The following PCMTD1 variants were observed in gnomAD, a reference collection of about 807,000 sequenced individuals.
The protein encoded by PCMTD1 is protein-L-isoaspartate (D-aspartate) O-methyltransferase domain containing 1, also known as protein-L-isoaspartate O-methyltransferase domain-containing protein 1.
In PCMTD1, 12 loss-of-function variants were observed where a neutral mutation model predicts 37.6. That is an observed-to-expected ratio of 0.32 (90% CI 0.20 to 0.52). The LOEUF (loss-of-function observed/expected upper bound fraction) is 0.52, where lower values mean the gene tolerates loss of function less well. PCMTD1 is among the 20% of genes least tolerant of loss of function. The probability of loss-of-function intolerance (pLI) is 0.97; values close to 1 mark genes in which losing one functional copy is unlikely to be tolerated. For missense variants in PCMTD1, 235 were observed against 421.3 expected (o/e 0.56, Z 3.87); for synonymous variants, 117 against 135.8 (o/e 0.86, Z 0.96).
intron 2 of PCMTD1, among the ~76,000 whole-genome samples, chr8:51,851,498 T>A (rs1386416940): frequency 1.3e-5 from 2 of 152,088 alleles, no homozygotes; most frequent in African/African-American, 4.8e-5. Flanking sequence ...GACTAACAGG[T>A]CAAGAACAAC....
intron 5 of PCMTD1, among the ~76,000 whole-genome samples, chr8:51,822,451 T>C (rs769668460): frequency 6.6e-6 from 1 of 152,106 alleles, no homozygotes; most frequent in African/African-American, 2.4e-5. Flanking sequence ...ATGACAAAGA[T>C]ACAGGGGAGA....
In PCMTD1 at chr8:51,831,592, A is replaced by G. The variant is rs779034292; in HGVS notation, c.583-25T>C. 19 of 1,598,570 alleles carry G rather than the reference A, an allele frequency of 1.2e-5. 1 individual carries two copies. The South Asian group carries it at 2.2e-4, about 18-fold the overall frequency. The stretch of plus-strand genomic sequence containing the variant: ...ACTATTTAGAGAAAAAAAAGAAAGA[A>G]AGTGAACAACTTAATCCCAACAATG... On this transcript the variant is annotated intron_variant, in intron 4 of 5. Transcript: ENST00000522514.
At chr8:51,883,587 A>T (rs1003624797) in intron 1 of PCMTD1, among the ~76,000 whole-genome samples, 1 of 152,216 alleles carries the variant, frequency 6.6e-6, no homozygotes, top group African/African-American at 2.4e-5. Context: ...GGAGGTACAA[A>T]AAGGTTGACA....
chr8:51,890,888 T>C (rs564323143), intron 1 of PCMTD1, among the ~76,000 whole-genome samples: 11 of 152,184 alleles, frequency 7.2e-5, no homozygotes, highest in Non-Finnish European at 1.6e-4. Context: ...ACCAAATACA[T>C]CTGCCACAGG....
chr8:51,850,095 G>A, intron 2 of PCMTD1: 1 of 702,286 alleles, frequency 1.4e-6, no homozygotes, highest in Middle Eastern at 2.3e-4. Context: ...TACTGGTGTG[G>A]TGAGAAAGAT....
At chr8:51,828,040 C>G (rs1045345347) in intron 5 of PCMTD1, among the ~76,000 whole-genome samples, 3 of 152,026 alleles carry the variant, frequency 2.0e-5, no homozygotes, top group Non-Finnish European at 4.4e-5. Context: ...CAAAATGCTT[C>G]TAAAATAAAC....
At chr8:51,878,564 T>C (rs546583483) in intron 1 of PCMTD1, among the ~76,000 whole-genome samples, 11 of 149,282 alleles carry the variant, frequency 7.4e-5, no homozygotes, top group African/African-American at 2.5e-4. Context: ...CTGGGCAACA[T>C]AGTGAGACCC....
At chr8:51,847,340 A>C (rs1217234867) in intron 2 of PCMTD1, among the ~76,000 whole-genome samples, 1 of 152,214 alleles carries the variant, frequency 6.6e-6, no homozygotes, top group Non-Finnish European at 1.5e-5. Context: ...AATAATTCAA[A>C]TACAGGCAGG....
chr8:51,822,351 G>T (rs2037860717), intron 5 of PCMTD1, among the ~76,000 whole-genome samples: 1 of 112,296 alleles, frequency 8.9e-6, no homozygotes, highest in Admixed American at 1.1e-4. Context: ...ATTGGCTGTA[G>T]GGGATGAGGG....
chr8:51,866,587 T>C (rs77082359), intron 1 of PCMTD1, among the ~76,000 whole-genome samples: 17,825 of 151,780 alleles, frequency 0.12, 1,283 homozygotes, highest in East Asian at 0.17. Context: ...AGCAGAAGAA[T>C]GAAATTGAAT....
At chr8:51,878,594 A>T (rs2038748626) in intron 1 of PCMTD1, among the ~76,000 whole-genome samples, 1 of 151,940 alleles carries the variant, frequency 6.6e-6, no homozygotes, top group Admixed American at 6.6e-5. Context: ...CAAAAAATTT[A>T]AAAAATTAGC....
chr8:51,896,883 CAA>C (rs34125033), intron 1 of PCMTD1, among the ~76,000 whole-genome samples: 5 of 128,930 alleles, frequency 3.9e-5, no homozygotes, highest in Admixed American at 7.5e-5. Context: ...CGCACTATTA[CAA>C]AAAAAAAAAA....
At chr8:51,880,333 C>T (rs1040274295) in intron 1 of PCMTD1, among the ~76,000 whole-genome samples, 13 of 152,048 alleles carry the variant, frequency 8.5e-5, no homozygotes, top group African/African-American at 2.9e-4. Flanking sequence ...ATTAGAAAGA[C>T]AACTTTAGGC....
rs1170509768 is a variant in PCMTD1, at chr8:51,840,057, C to T, written c.410+5604G>A. Among the ~76,000 whole-genome samples the T allele has an allele frequency of 2.6e-5, 4 of 152,144 alleles. 1 individual carries two copies. The highest frequency in any genetic ancestry group is 5.9e-5 in the Non-Finnish European group (4 of 68,006). On this transcript the variant is annotated intron_variant, in intron 3 of 5. Coordinates refer to ENST00000522514, the MANE Select transcript of PCMTD1 (RefSeq NM_052937.4). ...TATTTAATTACAATTTTTTGAAAAA[C>T]AAACCTTTACATTTTCAAGTGTTTT... is the stretch of plus-strand genomic sequence containing the variant.
chr8:51,890,434 G>A (rs548423020), intron 1 of PCMTD1, among the ~76,000 whole-genome samples: 3 of 152,144 alleles, frequency 2.0e-5, no homozygotes, highest in African/African-American at 4.8e-5. Context: ...CGCTCTAGCC[G>A]CCAAGACACT....
chr8:51,886,961 CT>C (rs11444689), intron 1 of PCMTD1, among the ~76,000 whole-genome samples: 163 of 147,650 alleles, frequency 1.1e-3, no homozygotes, highest in African/African-American at 3.7e-3. Flanking sequence ...TGTCCATCTG[CT>C]TTTTTTTTTT....
chr8:51,886,217 T>C (rs2038862739), intron 1 of PCMTD1, among the ~76,000 whole-genome samples: 1 of 152,358 alleles, frequency 6.6e-6, no homozygotes, highest in South Asian at 2.1e-4. Flanking sequence ...GTTCGACTTA[T>C]TCAAAATCAT....
chr8:51,843,604 A>AG (rs1429416273), intron 3 of PCMTD1, among the ~76,000 whole-genome samples: 1 of 152,026 alleles, frequency 6.6e-6, no homozygotes, highest in Non-Finnish European at 1.5e-5. Flanking sequence ...ATAACAAAAA[A>AG]AAAAACAATT....
chr8:51,882,934 T>C (rs188233145), intron 1 of PCMTD1, among the ~76,000 whole-genome samples: 241 of 150,864 alleles, frequency 1.6e-3, no homozygotes, highest in African/African-American at 5.6e-3. Context: ...GAGACCATGC[T>C]TGCTAACACG....
Sources: allele counts gnomAD v4.1 joint callset (sites outside exome capture counted in the v4.1 genomes callset), GRCh38; gene constraint gnomAD v4.1.1; transcripts MANE v1.5; gene names NCBI Gene and HGNC (gene_info 2026-07-23, HGNC 2026-07-21).